RBFOX1: variants seen among roughly 807,000 people sequenced by gnomAD.
RBFOX1 encodes the protein RNA binding protein fox-1 homolog 1.
A neutral mutation model predicts 57.7 loss-of-function variants in RBFOX1; 8 were observed. That is an observed-to-expected ratio of 0.14 (90% CI 0.08 to 0.25). The LOEUF (loss-of-function observed/expected upper bound fraction) is 0.25, where lower values mean the gene tolerates loss of function less well. RBFOX1 is among the 10% of genes least tolerant of loss of function. The probability of loss-of-function intolerance (pLI) is 1.00; values close to 1 mark genes in which losing one functional copy is unlikely to be tolerated. For missense variants in RBFOX1, 611 were observed against 548.5 expected, an observed-to-expected ratio of 1.11 and a Z score of -1.14; for synonymous variants, 326 against 222.4, an observed-to-expected ratio of 1.47 and a Z score of -4.15.
intron 4 of RBFOX1, among the ~76,000 whole-genome samples, chr16:7,248,834 G>T (rs1029225490): frequency 6.6e-6 from 1 of 152,150 alleles, no homozygotes; most frequent in African/African-American, 2.4e-5. Flanking sequence ...TAATCATTTA[G>T]CTGTCATCTA....
chr16:7,045,418 C>G (rs528364766), intron 3 of RBFOX1, among the ~76,000 whole-genome samples: 1 of 152,158 alleles, frequency 6.6e-6, no homozygotes, highest in Non-Finnish European at 1.5e-5. Flanking sequence ...ATTCCCAAAT[C>G]TCATTTTCCT....
chr16:5,757,855 G>C (rs1471131854), intron 3 of RBFOX1, among the ~76,000 whole-genome samples: 1 of 152,120 alleles, frequency 6.6e-6, no homozygotes, highest in East Asian at 1.9e-4. Flanking sequence ...TACTGTGCTA[G>C]ACTACTTCTC....
At position 6,850,201 on chromosome 16, in the gene RBFOX1, T is replaced by G. The variant is rs559842148; in HGVS notation, c.-16+195551T>G. Among the ~76,000 whole-genome samples the G allele has an allele frequency of 7.9e-4, 120 of 152,290 alleles. 1 individual carries two copies. The highest frequency in any genetic ancestry group is 3.0e-3 in the Admixed American group (46 of 15,296). ...TTCATTCAGTGAATTCAGTTGTTCC[T>G]CAAATGAAGCAGAAATGATTCCTCT... On this transcript the variant is annotated intron_variant, in intron 3 of 15. Coordinates refer to ENST00000550418, the MANE Select transcript of RBFOX1 (RefSeq NM_018723.4).
intron 4 of RBFOX1, among the ~76,000 whole-genome samples, chr16:7,345,308 C>A (rs951175408): frequency 6.6e-6 from 1 of 152,100 alleles, no homozygotes; most frequent in Non-Finnish European, 1.5e-5. Flanking sequence ...GCAGTGTAAA[C>A]ACTGAGGGGC....
intron 4 of RBFOX1, among the ~76,000 whole-genome samples, chr16:7,184,401 A>G: frequency 6.6e-6 from 1 of 152,254 alleles, no homozygotes; most frequent in East Asian, 1.9e-4. Flanking sequence ...TCTAGGGGAT[A>G]CATGATGGTG....
At chr16:7,571,169 T>G (rs2092731634) in intron 5 of RBFOX1, among the ~76,000 whole-genome samples, 1 of 151,926 alleles carries the variant, frequency 6.6e-6, no homozygotes, top group Non-Finnish European at 1.5e-5. Flanking sequence ...GGCACACGTT[T>G]ACTTATGTAA....
intron 2 of RBFOX1, among the ~76,000 whole-genome samples, chr16:6,631,876 G>C (rs1001195080): frequency 6.6e-6 from 1 of 152,076 alleles, no homozygotes; most frequent in African/African-American, 2.4e-5. Context: ...TTGAGAAGCT[G>C]TAAGAAGGTC....
chr16:7,344,227 G>A (rs2096952105), intron 4 of RBFOX1, among the ~76,000 whole-genome samples: 2 of 149,704 alleles, frequency 1.3e-5, no homozygotes, highest in African/African-American at 4.9e-5. Context: ...GTAGGACAGG[G>A]ATAATACCAA....
At chr16:5,786,591 C>A (rs11862429) in intron 3 of RBFOX1, among the ~76,000 whole-genome samples, 1 of 152,256 alleles carries the variant, frequency 6.6e-6, no homozygotes, top group South Asian at 2.1e-4. Context: ...CTTCATTTTT[C>A]CAAGACCTCT....
At chr16:7,662,159 G>C (rs371168529) in intron 12 of RBFOX1, among the ~76,000 whole-genome samples, 1 of 152,150 alleles carries the variant, frequency 6.6e-6, no homozygotes, top group South Asian at 2.1e-4. Flanking sequence ...TCTTCTCTCC[G>C]TCATTTACAG....
Position 6,856,898 on chromosome 16 carries a change from G to GA in RBFOX1, c.-15-195156dup, listed in dbSNP as rs1424554174. On this transcript the variant is annotated intron_variant, in intron 3 of 15. Coordinates refer to ENST00000550418, the MANE Select transcript of RBFOX1 (RefSeq NM_018723.4). Reference sequence around the variant, plus strand: ...TCTGCTGCAAAATGTTAGAGACAGAGAAAGGGAAAAGAAAGAAAGAGAAAG... The same window carrying GA: ...TCTGCTGCAAAATGTTAGAGACAGAGAAAAGGGAAAAGAAAGAAAGAGAAAG... Among the ~76,000 whole-genome samples the GA allele has an allele frequency of 4.6e-5, 7 of 152,114 alleles. No individual in the cohort carries two copies. In the East Asian group the frequency reaches 9.7e-4, roughly 21 times the overall value.
intron 3 of RBFOX1, among the ~76,000 whole-genome samples, chr16:6,856,146 C>T (rs1316879163): frequency 6.6e-6 from 1 of 151,950 alleles, no homozygotes; most frequent in Non-Finnish European, 1.5e-5. Flanking sequence ...CCTTCCCTTC[C>T]CTTTACCTTC....
intron 1 of RBFOX1, among the ~76,000 whole-genome samples, chr16:5,410,232 A>G (rs759277339): frequency 1.3e-5 from 2 of 151,810 alleles, no homozygotes; most frequent in African/African-American, 4.8e-5. Context: ...TTAGCTGGGC[A>G]TGGTGGTGTG....
intron 4 of RBFOX1, among the ~76,000 whole-genome samples, chr16:7,053,192 AAAC>A (rs1568556830): frequency 6.6e-6 from 1 of 152,236 alleles, no homozygotes; most frequent in Non-Finnish European, 1.5e-5. Context: ...TGGGTAAAAT[AAAC>A]AACAGAATCC....
intron 7 of RBFOX1, among the ~76,000 whole-genome samples, chr16:7,595,174 T>C (rs1176335490): frequency 2.0e-5 from 3 of 152,154 alleles, no homozygotes; most frequent in African/African-American, 7.2e-5. Context: ...AATTTGCATG[T>C]CAAAAAAGTG....
At chr16:6,817,633 G>C (rs2090375329) in intron 3 of RBFOX1, among the ~76,000 whole-genome samples, 1 of 151,628 alleles carries the variant, frequency 6.6e-6, no homozygotes, top group Non-Finnish European at 1.5e-5. Flanking sequence ...TTGAACCCAG[G>C]AGGAGGTTGC....
intron 2 of RBFOX1, among the ~76,000 whole-genome samples, chr16:6,436,511 C>CTTTTTTT (rs61508952): frequency 1.9e-5 from 2 of 103,418 alleles, no homozygotes; most frequent in East Asian, 2.8e-4. Flanking sequence ...TTTTTCTTCA[C>CTTTTTTT]TTTTTTTTTT....
intron 4 of RBFOX1, among the ~76,000 whole-genome samples, chr16:5,967,997 A>G (rs997878658): frequency 5.9e-5 from 9 of 152,136 alleles, no homozygotes; most frequent in African/African-American, 2.2e-4. Context: ...ATAAACCCTC[A>G]GTCTTAGTTC....
chr16:7,684,169 C>A (rs1345180344), intron 14 of RBFOX1, among the ~76,000 whole-genome samples: 1 of 152,102 alleles, frequency 6.6e-6, no homozygotes, highest in Non-Finnish European at 1.5e-5. Context: ...TTTATTTCCA[C>A]TTTTGTGTGT....
Sources: allele counts gnomAD v4.1 joint callset (sites outside exome capture counted in the v4.1 genomes callset), GRCh38; gene constraint gnomAD v4.1.1; transcripts MANE v1.5; gene names NCBI Gene and HGNC (gene_info 2026-07-23, HGNC 2026-07-21).